Variants in UNC13C observed in about 807,000 individuals in gnomAD.
UNC13C encodes the protein unc-13 homolog C.
Under a neutral mutation model 245.4 loss-of-function variants are expected in UNC13C, and 174 were observed. That is an observed-to-expected ratio of 0.71 (90% CI 0.63 to 0.80). The LOEUF (loss-of-function observed/expected upper bound fraction) is 0.80, where lower values mean the gene tolerates loss of function less well. Ranked by LOEUF, UNC13C falls within the 30% of genes least tolerant of loss-of-function variation. The pLI, the probability that UNC13C is intolerant of heterozygous loss-of-function variation, is 0.00. For missense variants in UNC13C, 2,829 were observed against 2,602.9 expected, an observed-to-expected ratio of 1.09 and a Z score of -1.89; for synonymous variants, 992 against 895.1, an observed-to-expected ratio of 1.11 and a Z score of -1.93.
chr15:54,023,095 T>A (rs763105510), intron 2 of UNC13C, among the ~76,000 whole-genome samples: 6 of 152,216 alleles, frequency 3.9e-5, no homozygotes, highest in Non-Finnish European at 5.9e-5. Flanking sequence ...TGCTATTCTA[T>A]CAGACTCAGT....
intron 22 of UNC13C, among the ~76,000 whole-genome samples, chr15:54,502,499 G>A (rs1376123589): frequency 6.6e-6 from 1 of 152,116 alleles, no homozygotes; most frequent in East Asian, 1.9e-4. Flanking sequence ...ATGACTTTCT[G>A]AGTCCCCTTA....
intron 26 of UNC13C, 74 bp from the exon 27 acceptor site, chr15:54,546,648 A>G: frequency 1.1e-6 from 1 of 900,034 alleles, no homozygotes; most frequent in Admixed American, 3.9e-5. Context: ...TTAGCATTTG[A>G]AAATCGTAAA....
intron 19 of UNC13C, among the ~76,000 whole-genome samples, chr15:54,437,434 A>G (rs1343889171): frequency 6.6e-6 from 1 of 151,960 alleles, no homozygotes; most frequent in Non-Finnish European, 1.5e-5. Flanking sequence ...CTTCTTGGTA[A>G]TATAATCTGA....
At chr15:54,420,019 A>C (rs955110364) in intron 19 of UNC13C, among the ~76,000 whole-genome samples, 2 of 151,998 alleles carry the variant, frequency 1.3e-5, no homozygotes, top group African/African-American at 4.8e-5. Context: ...TTTAGTAGCT[A>C]ATTATTTTTG....
intron 30 of UNC13C, among the ~76,000 whole-genome samples, chr15:54,619,991 G>A (rs1360939792): frequency 6.6e-6 from 1 of 151,784 alleles, no homozygotes; most frequent in Non-Finnish European, 1.5e-5. Flanking sequence ...ATACTTTCTA[G>A]CCCATTGTTT....
At chr15:54,590,139 T>A (rs1295383979) in intron 30 of UNC13C, among the ~76,000 whole-genome samples, 1 of 152,224 alleles carries the variant, frequency 6.6e-6, no homozygotes, top group South Asian at 2.1e-4. Context: ...TTCTGTTCCA[T>A]TGGTATATGT....
At chr15:54,121,963 T>C (rs986297548) in intron 2 of UNC13C, among the ~76,000 whole-genome samples, 2 of 152,090 alleles carry the variant, frequency 1.3e-5, no homozygotes, top group Non-Finnish European at 2.9e-5. Flanking sequence ...ATGGGCATAG[T>C]GTTAAGTTTT....
intron 2 of UNC13C, among the ~76,000 whole-genome samples, chr15:54,090,460 C>T (rs1268422801): frequency 6.6e-6 from 1 of 152,170 alleles, no homozygotes; most frequent in Non-Finnish European, 1.5e-5. Context: ...ATCCTCACAA[C>T]CATCTTATGA....
chr15:53,997,607 A>C lies in UNC13C; in HGVS notation c.-256-15041A>C, dbSNP rs555277748. Among the ~76,000 whole-genome samples, 9 of 152,222 alleles carry C rather than the reference A, an allele frequency of 5.9e-5. No individual in the cohort carries two copies. In the East Asian group the frequency reaches 1.2e-3, roughly 20 times the overall value. ...TTATAAAATTGTTCCAGGATCATTT[A>C]TTGAAAATATCCTAATTGAATTTTT... is the stretch of plus-strand genomic sequence containing the variant. On this transcript the variant is annotated intron_variant, in intron 1 of 32. Transcript: ENST00000260323.
chr15:54,555,824 C>A (rs1451301495), intron 29 of UNC13C, among the ~76,000 whole-genome samples: 1 of 152,056 alleles, frequency 6.6e-6, no homozygotes, highest in East Asian at 1.9e-4. Flanking sequence ...TGTTTTAACA[C>A]ATGTTCTCAA....
At chr15:54,588,857 A>T (rs1898622824) in intron 30 of UNC13C, among the ~76,000 whole-genome samples, 1 of 152,198 alleles carries the variant, frequency 6.6e-6, no homozygotes, top group African/African-American at 2.4e-5. Context: ...TTGTATATAT[A>T]TACGAGTTTC....
At chr15:53,900,852 A>G in the UNC13C span, among the ~76,000 whole-genome samples, 43 of 152,202 alleles carry the variant, frequency 2.8e-4, 1 homozygote, top group Admixed American at 2.8e-3. Flanking sequence ...ATTGAGCTAC[A>G]GGAATAGGCA....
intron 30 of UNC13C, among the ~76,000 whole-genome samples, chr15:54,594,210 G>A (rs1341817719): frequency 6.6e-6 from 1 of 152,150 alleles, no homozygotes; most frequent in African/African-American, 2.4e-5. Flanking sequence ...GGATACCAGC[G>A]CCTGTTCCAG....
At chr15:54,625,039 T>C (rs949575473) in intron 32 of UNC13C, among the ~76,000 whole-genome samples, 3 of 152,114 alleles carry the variant, frequency 2.0e-5, no homozygotes, top group African/African-American at 7.2e-5. Context: ...GAAAGAACTA[T>C]TCATTTCTTT....
intron 24 of UNC13C, among the ~76,000 whole-genome samples, chr15:54,519,655 G>A (rs538213791): frequency 1.3e-5 from 2 of 152,276 alleles, no homozygotes; most frequent in East Asian, 3.9e-4. Context: ...AAATTGTCGT[G>A]TAAGTTCTTG....
At chr15:54,055,633 C>T (rs1159070358) in intron 2 of UNC13C, among the ~76,000 whole-genome samples, 3 of 152,184 alleles carry the variant, frequency 2.0e-5, no homozygotes, top group African/African-American at 7.2e-5. Context: ...TTAAGCATTA[C>T]TTCTCCGGGT....
intron 19 of UNC13C, among the ~76,000 whole-genome samples, chr15:54,424,453 C>T (rs1217102206): frequency 2.0e-5 from 3 of 151,774 alleles, no homozygotes; most frequent in African/African-American, 4.8e-5. Flanking sequence ...GAAGAAATGA[C>T]CTCCTGTTGG....
At chr15:54,415,474 A>G (rs1359169294) in intron 19 of UNC13C, among the ~76,000 whole-genome samples, 1 of 152,172 alleles carries the variant, frequency 6.6e-6, no homozygotes, top group East Asian at 1.9e-4. Context: ...TTGCTCAAGA[A>G]CAATGGCAGA....
intron 1 of UNC13C, among the ~76,000 whole-genome samples, chr15:53,994,839 AAAC>A (rs1307804573): frequency 6.6e-6 from 1 of 152,124 alleles, no homozygotes; most frequent in Non-Finnish European, 1.5e-5. Context: ...TAAAATAAAA[AAAC>A]AAGATAATGA....
Sources: allele counts gnomAD v4.1 joint callset (sites outside exome capture counted in the v4.1 genomes callset), GRCh38; gene constraint gnomAD v4.1.1; transcripts MANE v1.5; gene names NCBI Gene and HGNC (gene_info 2026-07-23, HGNC 2026-07-21).